Variants in CNTN5 observed in about 807,000 individuals in gnomAD.
CNTN5 encodes contactin 5.
A neutral mutation model predicts 129.1 loss-of-function variants in CNTN5; 77 were observed. The observed-to-expected ratio is 0.60, with a 90% CI of 0.50 to 0.72. The LOEUF (loss-of-function observed/expected upper bound fraction) is 0.72, where lower values mean the gene tolerates loss of function less well. CNTN5 is among the 30% of genes least tolerant of loss of function. The pLI is 0.00. For missense variants in CNTN5, 1,478 were observed against 1,328.8 expected (o/e 1.11, Z -1.75); for synonymous variants, 509 against 465.6 (o/e 1.09, Z -1.20).
chr11:99,377,747 G>C (rs1269319871), intron 2 of CNTN5, among the ~76,000 whole-genome samples: 1 of 151,374 alleles, frequency 6.6e-6, no homozygotes, highest in Non-Finnish European at 1.5e-5. Flanking sequence ...TGGTTCTTCT[G>C]AAAGGCACTG....
chr11:99,503,657 T>C (rs774648099), intron 2 of CNTN5, among the ~76,000 whole-genome samples: 1 of 152,206 alleles, frequency 6.6e-6, no homozygotes, highest in Non-Finnish European at 1.5e-5. Flanking sequence ...TCTTTTATTT[T>C]GTCATCCGCA....
intron 1 of CNTN5, among the ~76,000 whole-genome samples, chr11:99,078,174 C>T (rs1865652678): frequency 6.6e-6 from 1 of 151,970 alleles, no homozygotes; most frequent in African/African-American, 2.4e-5. Context: ...AATTTGATAC[C>T]TAATTAGTGA....
chr11:100,349,410 A>G (rs1439437578), intron 23 of CNTN5, among the ~76,000 whole-genome samples: 1 of 151,862 alleles, frequency 6.6e-6, no homozygotes, highest in Admixed American at 6.6e-5. Flanking sequence ...CAACAGAAGG[A>G]GTAGCTTTCT....
chr11:99,396,364 A>G (rs1941524132), intron 2 of CNTN5, among the ~76,000 whole-genome samples: 1 of 151,642 alleles, frequency 6.6e-6, no homozygotes, highest in Non-Finnish European at 1.5e-5. Context: ...AATAAAATAT[A>G]GAGAAACTCT....
intron 1 of CNTN5, among the ~76,000 whole-genome samples, chr11:99,191,651 T>C (rs1858649078): frequency 6.6e-6 from 1 of 151,746 alleles, no homozygotes; most frequent in South Asian, 2.1e-4. Context: ...TAGAAATCAA[T>C]AATAGAAGGA....
chr11:100,028,868 G>A (rs1041413010), intron 9 of CNTN5, among the ~76,000 whole-genome samples: 1 of 151,980 alleles, frequency 6.6e-6, no homozygotes, highest in African/African-American at 2.4e-5. Context: ...TTTTTTTCCT[G>A]TGAGTTTAAA....
intron 3 of CNTN5, among the ~76,000 whole-genome samples, chr11:99,747,724 G>A (rs530993286): frequency 2.0e-5 from 3 of 152,056 alleles, no homozygotes; most frequent in South Asian, 2.1e-4. Flanking sequence ...CACCCGCCTC[G>A]GCCTCCCAAA....
chr11:100,079,257 C>T (rs1161454056), intron 13 of CNTN5, among the ~76,000 whole-genome samples: 1 of 152,160 alleles, frequency 6.6e-6, no homozygotes, highest in Non-Finnish European at 1.5e-5. Context: ...TCTTAGAATA[C>T]TGGCATCCAT....
chr11:99,241,345 CAT>C, intron 1 of CNTN5, among the ~76,000 whole-genome samples: 1 of 49,968 alleles, frequency 2.0e-5, no homozygotes, highest in African/African-American at 7.6e-5. Context: ...TTTTTGATTC[CAT>C]TCTTTCTAGT....
intron 4 of CNTN5, among the ~76,000 whole-genome samples, chr11:99,823,235 A>G (rs540567614): frequency 6.6e-6 from 1 of 152,142 alleles, no homozygotes; most frequent in Admixed American, 6.5e-5. Flanking sequence ...CCTTTCTACT[A>G]TTTTAACTGT....
At chr11:99,776,450 T>A (rs1202082050) in intron 3 of CNTN5, among the ~76,000 whole-genome samples, 1 of 151,914 alleles carries the variant, frequency 6.6e-6, no homozygotes, top group Admixed American at 6.6e-5. Flanking sequence ...TTTTTTTTAA[T>A]TTTCCTAGGC....
chr11:99,180,070 A>G (rs1393404040), intron 1 of CNTN5, among the ~76,000 whole-genome samples: 2 of 152,194 alleles, frequency 1.3e-5, no homozygotes, highest in Admixed American at 1.3e-4. Flanking sequence ...TGTGTGGGAA[A>G]CACGGGAGGG....
intron 1 of CNTN5, among the ~76,000 whole-genome samples, chr11:99,299,351 A>G (rs1303635316): frequency 6.6e-6 from 1 of 152,176 alleles, no homozygotes; most frequent in African/African-American, 2.4e-5. Flanking sequence ...AAGGAACAGA[A>G]GTTATAAAAA....
At chr11:99,579,182 TG>T (rs1374976949) in intron 3 of CNTN5, among the ~76,000 whole-genome samples, 1 of 152,194 alleles carries the variant, frequency 6.6e-6, no homozygotes, top group Non-Finnish European at 1.5e-5. Flanking sequence ...TCTGTTCCAT[TG>T]GTCTATATCC....
At chr11:99,904,718 C>T (rs1949450687) in intron 6 of CNTN5, among the ~76,000 whole-genome samples, 1 of 152,190 alleles carries the variant, frequency 6.6e-6, no homozygotes, top group Non-Finnish European at 1.5e-5. Flanking sequence ...AATTGCCACA[C>T]TGTCTTCCAC....
chr11:100,063,014 C>A (rs746362433), intron 10 of CNTN5, among the ~76,000 whole-genome samples: 1 of 152,124 alleles, frequency 6.6e-6, no homozygotes, highest in African/African-American at 2.4e-5. Context: ...TGAACCGGAA[C>A]TTTACTACTG....
chr11:99,429,512 A>G (rs1943273229), intron 2 of CNTN5, among the ~76,000 whole-genome samples: 1 of 152,198 alleles, frequency 6.6e-6, no homozygotes, highest in African/African-American at 2.4e-5. Context: ...CTCAAAGGAC[A>G]GCAAAAGGGA....
chr11:99,881,400 A>G (rs374494955), intron 6 of CNTN5, among the ~76,000 whole-genome samples: 4 of 152,238 alleles, frequency 2.6e-5, no homozygotes, highest in East Asian at 3.9e-4. Context: ...GAAATGATTT[A>G]TGTAAGTGAT....
At chr11:99,040,688 A>G (rs1863951000) in intron 1 of CNTN5, among the ~76,000 whole-genome samples, 1 of 152,286 alleles carries the variant, frequency 6.6e-6, no homozygotes, top group Admixed American at 6.5e-5. Context: ...TGATGACATC[A>G]ACCCATTTTT....
Sources: gnomAD v4.1 joint callset for allele counts (sites outside exome capture counted in the v4.1 genomes callset) on GRCh38, gnomAD v4.1.1 for gene constraint, MANE v1.5 for transcripts, NCBI Gene and HGNC (gene_info 2026-07-23, HGNC 2026-07-21) for gene names.